The following MAP4 variants were observed in gnomAD, a reference collection of about 807,000 sequenced individuals.
MAP4 encodes microtubule-associated protein 4.
A neutral mutation model predicts 170.2 loss-of-function variants in MAP4; 76 were observed. That is an observed-to-expected ratio of 0.45 (90% confidence interval 0.37 to 0.54). The LOEUF is 0.54. Ranked by LOEUF, MAP4 falls within the 20% of genes least tolerant of loss-of-function variation. MAP4 has a pLI of 0.00. For synonymous variants in MAP4, 909 were observed against 994.5 expected (o/e 0.91, Z 1.62); for missense variants, 2,506 against 2,748.0 (o/e 0.91, Z 1.97).
rs1412868474 is a variant in MAP4, at chr3:47,912,405, G to A, written c.2016C>T (p.Cys672=). Residue 672 remains cysteine (C), a synonymous_variant, in exon 9 of 21, where the codon TGC becomes TGT. Transcript: ENST00000683076. Reference sequence around the variant, plus strand: ...GTTTGGCTTGTGTGGGAGGGGTACCGCAATACATGAAGTTGGCTAAAATTC... The same window carrying A: ...GTTTGGCTTGTGTGGGAGGGGTACCACAATACATGAAGTTGGCTAAAATTC... ...SSETSANFMY[C]GTPPTQAKQV... The A allele has an allele frequency of 1.4e-5, 21 of 1,481,464 alleles. No individual in the cohort carries two copies. The highest frequency in any genetic ancestry group is 5.0e-5 in the Admixed American group (2 of 40,220). 91.8% of individuals were successfully genotyped at this position (1,481,464 alleles called of 1,614,324 possible). A position where few individuals can be genotyped will look rare whatever the true frequency, so the allele number is the denominator to read the frequency against.
At chr3:47,952,457 T>TG (rs1261499323) in intron 3 of MAP4, among the ~76,000 whole-genome samples, 1 of 151,828 alleles carries the variant, frequency 6.6e-6, no homozygotes, top group African/African-American at 2.4e-5. Flanking sequence ...GGGGGAAAGG[T>TG]GGGGAAAAGA....
rs527544607 is a variant in MAP4, at chr3:47,953,036, AAAAC to A, written c.293-24690_293-24687del. ...GATTAAATTTGACACTTTTGACAGAAAAACAGGTCAATTAGTTCCTTGGGATCAA... is the reference window on the plus strand; with the variant it reads ...GATTAAATTTGACACTTTTGACAGAAAGGTCAATTAGTTCCTTGGGATCAA... On this transcript the variant is annotated intron_variant, in intron 3 of 20. Coordinates refer to ENST00000683076, the MANE Select transcript of MAP4 (RefSeq NM_001385682.1). Among the ~76,000 whole-genome samples the A allele has an allele frequency of 3.0e-4, 46 of 152,296 alleles. No homozygotes were observed. The South Asian group carries it at 9.3e-3, about 31-fold the overall frequency.
At chr3:48,055,811 C>G (rs1325204058) in intron 1 of MAP4, among the ~76,000 whole-genome samples, 1 of 140,194 alleles carries the variant, frequency 7.1e-6, no homozygotes, top group African/African-American at 2.6e-5. Context: ...GCGTCTCTGC[C>G]CGGCCGCCCA....
chr3:47,854,559 A>G (rs111553717), intron 19 of MAP4, among the ~76,000 whole-genome samples: 2,522 of 152,254 alleles, frequency 0.017, 83 homozygotes, highest in African/African-American at 0.058. Context: ...TGGGCCCCCC[A>G]CCCACGGATG....
chr3:47,875,721 C>T lies in MAP4; in HGVS notation c.5721G>A (p.Arg1907=). The part of the protein sequence containing the change: ...PPKRPAVASA[R]PSILPSKDVK... The stretch of plus-strand genomic sequence containing the variant: ...CGTCTTTTGAAGGTAAGATGGAAGG[C>T]CTGGCAGAGGCGACGGCAGGGCGTT... Residue 1907 remains arginine (R), a synonymous_variant, in exon 12 of 21, where the codon AGG becomes AGA. Transcript: ENST00000683076. 2 of 1,613,500 alleles carry T rather than the reference C, an allele frequency of 1.2e-6. No homozygotes were observed. The highest frequency in any genetic ancestry group is 1.7e-6 in the Non-Finnish European group (2 of 1,179,944).
rs1261506865 is a variant in MAP4 at position 47,875,677 on chromosome 3, C to T, written c.5757+8G>A. ...TTTCCTCGGCACAGTAGTTAGGTGA[C>T]CACTTACCTTTGGCTTCACGTCTTT... On this transcript the variant is annotated splice_region_variant and intron_variant, in intron 12 of 20. Transcript: ENST00000683076. 1 of 1,610,796 alleles carries T rather than the reference C, an allele frequency of 6.2e-7. No individual in the cohort carries two copies. The highest frequency in any genetic ancestry group is 8.5e-7 in the Non-Finnish European group (1 of 1,179,210).
Position 47,911,461 on chromosome 3 carries a change from T to C in MAP4, c.2960A>G (p.Lys987Arg). 6.5e-7 allele frequency: 1 copy of C among 1,536,100 alleles called. No individual in the cohort carries two copies. The highest frequency in any genetic ancestry group is 2.4e-5 in the East Asian group (1 of 40,924). ...IASNPLECNL[K>R]EGNNESKMTK... is the part of the protein sequence containing the mutation. ...CATTTTACTTTCATTATTCCCTTCT[T>C]TTAGATTACATTCTAATGGATTACT... Residue 987 changes from lysine (K) to arginine (R), a missense_variant, in exon 9 of 21, where the codon AAA (lysine) becomes AGA (arginine). Lys to Arg is a conservative substitution (Grantham distance 26). Transcript: ENST00000683076. This position sits in a 1 kb window ranked among gnomAD's most constrained non-coding sequence, Gnocchi z 4.0.
At chr3:47,875,959 G>T in intron 11 of MAP4, 59 bp from the exon 12 acceptor site, 2 of 1,228,760 alleles carry the variant, frequency 1.6e-6, no homozygotes, top group South Asian at 1.3e-5. Flanking sequence ...ACATCAAACA[G>T]ACAAGAATAA....
rs773099885 is a variant in MAP4 at position 47,914,813 on chromosome 3, T to C, written c.1999+4A>G. 6.2e-7 allele frequency: 1 copy of C among 1,613,954 alleles called. No homozygotes were observed. Among genetic ancestry groups the C allele is most frequent in the African/African-American group, 1.3e-5 (1 of 74,916 alleles). ...AAAGAGTTCATTTTGTTTTCCTAACTTACCTGAGGTCTCTGAAGAAAGCTC... is the reference window on the plus strand; with the variant it reads ...AAAGAGTTCATTTTGTTTTCCTAACCTACCTGAGGTCTCTGAAGAAAGCTC... On this transcript the variant is annotated splice_donor_region_variant and intron_variant, in intron 8 of 20. Transcript: ENST00000683076.
intron 4 of MAP4, among the ~76,000 whole-genome samples, chr3:47,927,702 C>G (rs538860293): frequency 6.6e-6 from 1 of 152,096 alleles, no homozygotes; most frequent in Non-Finnish European, 1.5e-5. Context: ...CTCGAACTCT[C>G]GAACTCAGGT....
chr3:47,960,911 C>G (rs2100071175), intron 3 of MAP4: 1 of 160,618 alleles, frequency 6.2e-6, no homozygotes, highest in South Asian at 2.0e-4. Context: ...TTGTGGTGCT[C>G]TAGCTCTTTC....
At chr3:48,055,484 A>T (rs2100130579) in intron 1 of MAP4, among the ~76,000 whole-genome samples, 1 of 149,368 alleles carries the variant, frequency 6.7e-6, no homozygotes, top group African/African-American at 2.5e-5. Flanking sequence ...GGGATTGCAG[A>T]CGGAGTCTCG....
intron 1 of MAP4, among the ~76,000 whole-genome samples, chr3:48,087,745 G>GCACACACGCA (rs2100149993): frequency 9.5e-6 from 1 of 105,614 alleles, no homozygotes; most frequent in Non-Finnish European, 2.1e-5. Context: ...ACACGCACGC[G>GCACACACGCA]CACACACACA....
chr3:47,905,375 T>G (rs1322931194), intron 9 of MAP4, among the ~76,000 whole-genome samples: 1 of 152,024 alleles, frequency 6.6e-6, no homozygotes, highest in African/African-American at 2.4e-5. Context: ...GGTGGAAAGA[T>G]CAATGGATCA....
chr3:47,960,434 A>C (rs531354840), intron 3 of MAP4: 1 of 215,118 alleles, frequency 4.6e-6, no homozygotes, highest in South Asian at 9.1e-5. Context: ...TACCTTACTG[A>C]AACTTTTTTG....
At chr3:47,892,300 C>T (rs2100024433) in intron 10 of MAP4, 1 of 1,536,154 alleles carries the variant, frequency 6.5e-7, no homozygotes, top group African/African-American at 1.4e-5. Context: ...TCTTCACAAG[C>T]CCATCTTTTG....
intron 1 of MAP4, among the ~76,000 whole-genome samples, chr3:48,086,124 GTA>G (rs1315562894): frequency 1.4e-5 from 2 of 139,138 alleles, no homozygotes; most frequent in Admixed American, 6.9e-5. Context: ...ATGTATATAT[GTA>G]TGTGTGTGCA....
chr3:47,916,994 A>G lies in MAP4; in HGVS notation c.833T>C (p.Met278Thr), dbSNP rs199981043. 25 of 1,614,150 alleles carry G rather than the reference A, an allele frequency of 1.5e-5. No homozygotes were observed. The Admixed American group carries it at 2.8e-4, about 18-fold the overall frequency. Residue 278 changes from methionine (M) to threonine (T), a missense_variant, in exon 7 of 21, where the codon ATG becomes ACG. Met to Thr is a moderately conservative substitution (Grantham distance 81, BLOSUM62 -1). Transcript: ENST00000683076. ...CACATCTAATTTGGTGGGTGATTCCATATCTTTAGCCAATGCCACCTCGGT... is the reference window on the plus strand; with the variant it reads ...CACATCTAATTTGGTGGGTGATTCCGTATCTTTAGCCAATGCCACCTCGGT... ...TKTEVALAKD[M>T]ESPTKLDVTL...
chr3:48,009,748 C>A (rs2100104280), intron 1 of MAP4, among the ~76,000 whole-genome samples: 1 of 152,150 alleles, frequency 6.6e-6, no homozygotes, highest in African/African-American at 2.4e-5. Flanking sequence ...GGAAGTGGCA[C>A]CACTCACCAT....
Sources: gnomAD v4.1 joint callset for allele counts (sites outside exome capture counted in the v4.1 genomes callset) on GRCh38, gnomAD v4.1.1 for gene constraint, Gnocchi (gnomAD v3.1) non-coding constraint, MANE v1.5 for transcripts, NCBI Gene and HGNC (gene_info 2026-07-23, HGNC 2026-07-21) for gene names.